Variants in DACH2 observed in about 807,000 individuals in gnomAD.
DACH2 encodes dachshund family transcription factor 2.
In DACH2, 17 loss-of-function variants were observed where a neutral mutation model predicts 35.8. The ratio of observed to expected loss-of-function variants is 0.48; its 90% CI spans 0.33 to 0.71. The LOEUF is 0.71. Among genes scored for constraint, DACH2 ranks in the 30% least tolerant of loss-of-function variants. The pLI, the probability that DACH2 is intolerant of heterozygous loss-of-function variation, is 0.02. For synonymous variants in DACH2, 195 were observed against 177.3 expected, an observed-to-expected ratio of 1.10 and a Z score of -0.79; for missense variants, 469 against 472.7, an observed-to-expected ratio of 0.99 and a Z score of 0.07.
chrX:86,337,485 T>C (rs2035334012), intron 1 of DACH2, among the ~76,000 whole-genome samples: 1 of 111,859 alleles, frequency 8.9e-6, no homozygotes, highest in Admixed American at 9.5e-5. Flanking sequence ...CTAAGCTTCA[T>C]AAGTGAAGGA....
intron 7 of DACH2, among the ~76,000 whole-genome samples, chrX:86,745,632 T>C (rs981547632): frequency 1.5e-4 from 17 of 111,528 alleles, no homozygotes; most frequent in African/African-American, 5.5e-4. Context: ...ATGGTGTATA[T>C]GTACCATGTT....
chrX:86,280,131 A>C (rs1199979255), intron 1 of DACH2, among the ~76,000 whole-genome samples: 3 of 110,905 alleles, frequency 2.7e-5, no homozygotes, highest in African/African-American at 9.8e-5. Context: ...CGAGAAGAGC[A>C]ACCCCAAGAC....
intron 2 of DACH2, among the ~76,000 whole-genome samples, chrX:86,400,715 C>A (rs2036409543): frequency 9.0e-6 from 1 of 111,703 alleles, no homozygotes; most frequent in Non-Finnish European, 1.9e-5. Context: ...ACCGCAAATG[C>A]TGCTGCCTGA....
chrX:86,639,888 C>T (rs1171888308), intron 3 of DACH2, among the ~76,000 whole-genome samples: 2 of 111,506 alleles, frequency 1.8e-5, no homozygotes, highest in Admixed American at 1.9e-4. Flanking sequence ...TATTTATCCT[C>T]ACTGAGAAGG....
rs370070685 is a variant in DACH2, at chrX:86,391,184, G to A, written c.527+14322G>A. On this transcript the variant is annotated intron_variant, in intron 2 of 11. Transcript: ENST00000373125. Reference sequence around the variant, plus strand: ...GTAATCCCAGCTACTAGGAGACGGAGGCATGAGAATCACTTAAACCCAGCA... The same window carrying A: ...GTAATCCCAGCTACTAGGAGACGGAAGCATGAGAATCACTTAAACCCAGCA... Among the ~76,000 whole-genome samples, 10 of 101,185 alleles carry A rather than the reference G, an allele frequency of 9.9e-5. No homozygotes were observed. The East Asian group carries it at 2.0e-3, about 20-fold the overall frequency. The allele number at this position is 101,185 out of a possible 115,157, so 87.9% of individuals were successfully genotyped here. A position where few individuals can be genotyped will look rare whatever the true frequency, so the allele number is the denominator to read the frequency against.
intron 7 of DACH2, among the ~76,000 whole-genome samples, chrX:86,786,314 A>G (rs2042136791): frequency 8.9e-6 from 1 of 111,972 alleles, no homozygotes; most frequent in South Asian, 3.7e-4. Context: ...GTGGAGATGC[A>G]CATGCACTTA....
chrX:86,232,458 G>A (rs764537591), intron 1 of DACH2, among the ~76,000 whole-genome samples: 35 of 111,944 alleles, frequency 3.1e-4, no homozygotes, highest in African/African-American at 1.1e-3. Flanking sequence ...ATCTGACAAA[G>A]GTCTAGTATC....
chrX:86,466,632 GTTAC>G (rs1275188808), intron 2 of DACH2, among the ~76,000 whole-genome samples: 1 of 111,918 alleles, frequency 8.9e-6, no homozygotes, highest in East Asian at 2.8e-4. Flanking sequence ...AAGTAAGCTA[GTTAC>G]TTCTTAGGTA....
At chrX:86,198,479 C>T (rs1032378355) in intron 1 of DACH2, among the ~76,000 whole-genome samples, 1 of 110,815 alleles carries the variant, frequency 9.0e-6, no homozygotes. Flanking sequence ...TCAACATCTC[C>T]AGGTGTTAGT....
At chrX:86,826,993 T>C (rs1461128345) in intron 11 of DACH2, among the ~76,000 whole-genome samples, 1 of 112,100 alleles carries the variant, frequency 8.9e-6, no homozygotes, top group African/African-American at 3.2e-5. Context: ...AAAGGTTTGA[T>C]AGCCTAAAGT....
chrX:86,543,786 G>A (rs2038919449), intron 3 of DACH2, among the ~76,000 whole-genome samples: 1 of 93,317 alleles, frequency 1.1e-5, no homozygotes, highest in Non-Finnish European at 2.1e-5. Flanking sequence ...ATTGAACAAT[G>A]AGAACACATG....
intron 1 of DACH2, among the ~76,000 whole-genome samples, chrX:86,340,365 C>A (rs1325977973): frequency 9.0e-6 from 1 of 111,420 alleles, no homozygotes; most frequent in Non-Finnish European, 1.9e-5. Context: ...GGTCAGTGAT[C>A]TTTGATGTTA....
At chrX:86,341,112 G>A (rs972965178) in intron 1 of DACH2, among the ~76,000 whole-genome samples, 1 of 112,149 alleles carries the variant, frequency 8.9e-6, no homozygotes, top group Non-Finnish European at 1.9e-5. Flanking sequence ...CAGAATTTCA[G>A]TGTAGATGAA....
chrX:86,726,743 T>C (rs373366156), intron 6 of DACH2, among the ~76,000 whole-genome samples: 1 of 112,028 alleles, frequency 8.9e-6, no homozygotes, highest in East Asian at 2.8e-4. Flanking sequence ...TGGTGATTGA[T>C]GGGTTCTTCT....
At chrX:86,310,477 G>A (rs977817415) in intron 1 of DACH2, among the ~76,000 whole-genome samples, 1 of 111,313 alleles carries the variant, frequency 9.0e-6, no homozygotes, top group African/African-American at 3.3e-5. Flanking sequence ...AGCTCTGCAC[G>A]ATATGCAGGC....
At chrX:86,329,034 T>C (rs918681485) in intron 1 of DACH2, among the ~76,000 whole-genome samples, 2 of 111,441 alleles carry the variant, frequency 1.8e-5, no homozygotes, top group African/African-American at 6.5e-5. Context: ...ACACGATTCC[T>C]TGGGAAAACA....
chrX:86,754,846 G>A (rs2041811091), intron 7 of DACH2, among the ~76,000 whole-genome samples: 1 of 111,777 alleles, frequency 8.9e-6, no homozygotes, highest in East Asian at 2.8e-4. Flanking sequence ...CACTTAGGTT[G>A]ATTCCCAATC....
At chrX:86,422,575 G>A (rs1429259871) in intron 2 of DACH2, among the ~76,000 whole-genome samples, 1 of 110,273 alleles carries the variant, frequency 9.1e-6, no homozygotes, top group African/African-American at 3.3e-5. Context: ...TATTTATTGG[G>A]AACATGGAAT....
At chrX:86,528,812 T>C (rs2038670991) in intron 3 of DACH2, among the ~76,000 whole-genome samples, 1 of 112,497 alleles carries the variant, frequency 8.9e-6, no homozygotes, top group Non-Finnish European at 1.9e-5. Flanking sequence ...ATTTTTAAAA[T>C]ATATTATACT....
Sources: allele counts gnomAD v4.1 joint callset (sites outside exome capture counted in the v4.1 genomes callset), GRCh38; gene constraint gnomAD v4.1.1; transcripts MANE v1.5; gene names NCBI Gene and HGNC (gene_info 2026-07-23, HGNC 2026-07-21).